Variants in CD55 observed in about 807,000 individuals in gnomAD.
CD55 encodes the protein CD55 molecule (Cromer blood group).
In CD55, 41 loss-of-function variants were observed where a neutral mutation model predicts 45.8. The observed-to-expected ratio is 0.90, with a 90% CI of 0.70 to 1.16. CD55 has a LOEUF of 1.16. Among genes scored for constraint, CD55 ranks in the 50% most tolerant of loss-of-function variants. CD55 has a pLI of 0.00. For synonymous variants in CD55, 181 were observed against 181.1 expected (o/e 1.00, Z 0.01); for missense variants, 416 against 469.8 (o/e 0.89, Z 1.06).
chr1:207,324,753 G>A lies in CD55; in HGVS notation c.478+3G>A, dbSNP rs749948551. On this transcript the variant is annotated splice_donor_region_variant and intron_variant, in intron 3 of 9. Transcript: ENST00000367064. The stretch of plus-strand genomic sequence containing the variant: ...CACAGCAGTCGAATTTTGTAAAAGT[G>A]AGTAAAATTTTTTAAAGTATTTTCA... The A allele has an allele frequency of 3.1e-6, 5 of 1,588,692 alleles. No individual in the cohort carries two copies. In the African/African-American group the frequency reaches 6.8e-5, roughly 22 times the overall value.
At chr1:207,354,125 G>C in intron 9 of CD55, 1 of 1,513,704 alleles carries the variant, frequency 6.6e-7, no homozygotes, top group Non-Finnish European at 8.8e-7. Flanking sequence ...TCTAAGTTGG[G>C]TTCTTTGGCA....
At chr1:207,326,528 CA>C (rs1176807573) in intron 4 of CD55, among the ~76,000 whole-genome samples, 1 of 152,168 alleles carries the variant, frequency 6.6e-6, no homozygotes, top group African/African-American at 2.4e-5. Flanking sequence ...ATTCCCCATG[CA>C]AATAAAAAAT....
intron 2 of CD55, 82 bp downstream of exon 2, chr1:207,322,649 T>C: frequency 1.7e-6 from 2 of 1,167,346 alleles, no homozygotes; most frequent in Non-Finnish European, 2.4e-6. Flanking sequence ...GAGTGACTAG[T>C]AATTGATAGT....
chr1:207,355,519 T>C (rs909437371), intron 9 of CD55, among the ~76,000 whole-genome samples: 1 of 152,216 alleles, frequency 6.6e-6, no homozygotes, highest in Admixed American at 6.5e-5. Flanking sequence ...TAAAAGTGAA[T>C]ATAATTTTTG....
chr1:207,335,455 G>A (rs28371621), intron 6 of CD55, among the ~76,000 whole-genome samples: 1,731 of 152,206 alleles, frequency 0.011, 40 homozygotes, highest in African/African-American at 0.04. Flanking sequence ...TGTCAGTAAC[G>A]AAAAGATAAC....
intron 6 of CD55, among the ~76,000 whole-genome samples, chr1:207,332,395 TGTA>T (rs1452563667): frequency 2.0e-5 from 3 of 152,174 alleles, no homozygotes; most frequent in Non-Finnish European, 4.4e-5. Flanking sequence ...ATAAATTCCT[TGTA>T]GTATAATTAT....
At chr1:207,346,511 A>G (rs1422036928) in intron 9 of CD55, among the ~76,000 whole-genome samples, 2 of 152,162 alleles carry the variant, frequency 1.3e-5, no homozygotes, top group East Asian at 3.9e-4. Flanking sequence ...TACTTGGGAC[A>G]GCAGTGTTGT....
chr1:207,343,683 A>G (rs950933784), intron 9 of CD55, among the ~76,000 whole-genome samples: 5 of 152,336 alleles, frequency 3.3e-5, no homozygotes, highest in South Asian at 2.1e-4. Flanking sequence ...TGTTAGGTCC[A>G]TTTGGTCTAA....
At chr1:207,358,049 G>C (rs1214932044) in intron 9 of CD55, among the ~76,000 whole-genome samples, 1 of 152,120 alleles carries the variant, frequency 6.6e-6, no homozygotes, top group Non-Finnish European at 1.5e-5. Context: ...CAGATAAGCA[G>C]ACTAATGTAT....
At position 207,322,474 on chromosome 1, in the gene CD55, T is replaced by C. The variant is rs749682264; in HGVS notation, c.193T>C (p.Cys65Arg). 1.2e-6 allele frequency: 2 copies of C among 1,614,022 alleles called. No homozygotes were observed. The highest frequency in any genetic ancestry group is 1.3e-5 in the African/African-American group (1 of 74,928). The change falls in exon 2 of 10, where the codon TGT (cysteine) becomes CGT (arginine). Residue 65 changes from cysteine (C) to arginine (R), a missense_variant. Cys to Arg is a radical substitution (Grantham distance 180). Transcript: ENST00000367064. The stretch of plus-strand genomic sequence containing the variant: ...CGAGGATACTGTAATAACGTACAAA[T>C]GTGAAGAAAGCTTTGTGAAAATTCC... ...FPEDTVITYKCEESFVKIPGE... is the reference protein window; with the variant it reads ...FPEDTVITYKREESFVKIPGE...
chr1:207,322,316 C>T, intron 1 of CD55, 66 bp from the exon 2 acceptor site: 1 of 1,376,764 alleles, frequency 7.3e-7, no homozygotes, highest in Non-Finnish European at 1.0e-6. Flanking sequence ...GGGCTTGTGT[C>T]TTGAAAACAG....
intron 5 of CD55, among the ~76,000 whole-genome samples, chr1:207,328,660 G>A (rs975519805): frequency 6.6e-6 from 1 of 152,162 alleles, no homozygotes; most frequent in African/African-American, 2.4e-5. Context: ...GATGGTATCT[G>A]CTAACCTAGA....
At chr1:207,340,129 A>G (rs998778331) in intron 9 of CD55, among the ~76,000 whole-genome samples, 8 of 152,024 alleles carry the variant, frequency 5.3e-5, no homozygotes, top group African/African-American at 1.9e-4. Flanking sequence ...CTACTCACAC[A>G]CTTTTCTCAG....
chr1:207,350,460 TTGTC>T (rs1471359945), intron 9 of CD55, among the ~76,000 whole-genome samples: 8 of 152,192 alleles, frequency 5.3e-5, no homozygotes, highest in Non-Finnish European at 1.0e-4. Context: ...TTGGTGGAAT[TTGTC>T]TGTGAATCCA....
At chr1:207,337,684 G>T (rs978348035) in intron 8 of CD55, 1 of 304,948 alleles carries the variant, frequency 3.3e-6, no homozygotes, top group Non-Finnish European at 6.0e-6. Flanking sequence ...TCTGTTTCCT[G>T]TAGTAGTTTT....
At chr1:207,339,069 T>C (rs1655305052) in intron 8 of CD55, among the ~76,000 whole-genome samples, 1 of 152,186 alleles carries the variant, frequency 6.6e-6, no homozygotes, top group African/African-American at 2.4e-5. Flanking sequence ...AGCAATTATT[T>C]ACTGTTTAAG....
intron 9 of CD55, among the ~76,000 whole-genome samples, chr1:207,348,780 C>G (rs1655749189): frequency 6.6e-6 from 1 of 152,180 alleles, no homozygotes; most frequent in Non-Finnish European, 1.5e-5. Flanking sequence ...TTTCAATCTT[C>G]TGCATATGGC....
At chr1:207,339,768 C>T (rs1203768615) in intron 9 of CD55, among the ~76,000 whole-genome samples, 1 of 152,074 alleles carries the variant, frequency 6.6e-6, no homozygotes, top group Non-Finnish European at 1.5e-5. Flanking sequence ...TAAAAAAATC[C>T]AGTAATTCCT....
chr1:207,325,398 A>G (rs1158304804), intron 3 of CD55, among the ~76,000 whole-genome samples: 1 of 152,020 alleles, frequency 6.6e-6, no homozygotes, highest in African/African-American at 2.4e-5. Flanking sequence ...GAATTTACAT[A>G]TATGTGCTTG....
Sources: allele counts gnomAD v4.1 joint callset (sites outside exome capture counted in the v4.1 genomes callset), GRCh38; gene constraint gnomAD v4.1.1; transcripts MANE v1.5; gene names NCBI Gene and HGNC (gene_info 2026-07-23, HGNC 2026-07-21).